Variants in OXTR observed in about 807,000 individuals in gnomAD.
OXTR encodes oxytocin receptor.
OXTR carries 19 observed loss-of-function variants against 23.9 expected under a neutral mutation model. The observed-to-expected ratio is 0.80, with a 90% CI of 0.56 to 1.17. OXTR has a LOEUF of 1.17. OXTR is among the 50% of genes most tolerant of loss of function. The pLI is 0.00. For missense variants in OXTR, 500 were observed against 550.7 expected, an observed-to-expected ratio of 0.91 and a Z score of 0.92; for synonymous variants, 278 against 250.5, an observed-to-expected ratio of 1.11 and a Z score of -1.04.
chr3:8,761,654 G>T (rs930844033), intron 3 of OXTR, among the ~76,000 whole-genome samples: 1 of 152,202 alleles, frequency 6.6e-6, no homozygotes, highest in Non-Finnish European at 1.5e-5. Flanking sequence ...GCCATGATGG[G>T]CCCCTTCCTT....
At chr3:8,745,843 G>T (rs1361272526), downstream of OXTR, 1 of 1,613,048 alleles carries the variant, frequency 6.2e-7, no homozygotes, top group Non-Finnish European at 8.5e-7. The surrounding 1 kb of genome is among the most constrained non-coding windows in gnomAD (Gnocchi z 4.8). Context: ...GCAGCATCAA[G>T]GTGGTGCTGC....
In OXTR at chr3:8,753,052, CT is replaced by C; in HGVS notation, c.1094del (p.Lys365ArgfsTer9). ...RRLGETSASK[K>X]SNSSSFVLSH... ...TCAGGACAAAGGAGGACGAGTTGCT[CT>C]TTTTGCTGGCACTCGTCTCTCCCAG... is the stretch of plus-strand genomic sequence containing the variant. On this transcript the variant is annotated frameshift_variant, in exon 4 of 4. Transcript: ENST00000316793. LOFTEE classifies it high-confidence loss of function. The C allele has an allele frequency of 1.2e-6, 2 of 1,614,140 alleles. No individual in the cohort carries two copies. The highest frequency in any genetic ancestry group is 1.7e-6 in the Non-Finnish European group (2 of 1,180,016).
At chr3:8,745,161 G>C in the OXTR span, 1 of 274,232 alleles carries the variant, frequency 3.6e-6, no homozygotes, top group Non-Finnish European at 7.2e-6. The surrounding 1 kb of genome is among the most constrained non-coding windows in gnomAD (Gnocchi z 4.8). Context: ...GTTGTAAAGT[G>C]TGGCACTCCA....
Position 8,753,133 on chromosome 3 carries a change from G to C in OXTR, c.1014C>G (p.His338Gln). 1 of 1,614,192 alleles carries C rather than the reference G, an allele frequency of 6.2e-7. No individual in the cohort carries two copies. Among genetic ancestry groups the C allele is most frequent in the South Asian group, 1.1e-5 (1 of 91,084 alleles). ...IYMLFTGHLF[H>Q]ELVQRFLCCS... ...AGCACAGGAAGCGCTGCACGAGTTC[G>C]TGGAAGAGGTGGCCCGTGAACAGCA... The change falls in exon 4 of 4, where the codon CAC becomes CAG. Residue 338 changes from histidine (H) to glutamine (Q), a missense_variant. Coordinates refer to ENST00000316793, the MANE Select transcript of OXTR (RefSeq NM_000916.4).
chr3:8,759,822 G>C (rs1708449984), intron 3 of OXTR, among the ~76,000 whole-genome samples: 1 of 152,212 alleles, frequency 6.6e-6, no homozygotes. Context: ...GGCAGAGGCT[G>C]CCCCTCAGTG....
chr3:8,767,474 C>A lies in OXTR; in HGVS notation c.714G>T (p.Ala238=). 1.2e-6 allele frequency: 2 copies of A among 1,603,934 alleles called. No individual in the cohort carries two copies. Among genetic ancestry groups the A allele is most frequent in the Non-Finnish European group, 1.7e-6 (2 of 1,175,278 alleles). Reference sequence around the variant, plus strand: ...CGCCCTCTGGCGCCTCGGCCGCCGCCGCTGCAGCGGTCTTGAGCCGCAAGT... The same window carrying A: ...CGCCCTCTGGCGCCTCGGCCGCCGCAGCTGCAGCGGTCTTGAGCCGCAAGT... ...WQNLRLKTAA[A]AAAEAPEGAA... The change falls in exon 3 of 4, where the codon GCG becomes GCT. Residue 238 remains alanine, a synonymous_variant. Transcript: ENST00000316793.
chr3:8,745,894 G>A, downstream of OXTR: 1 of 1,592,514 alleles, frequency 6.3e-7, no homozygotes, highest in Non-Finnish European at 8.6e-7. The surrounding 1 kb of genome is among the most constrained non-coding windows in gnomAD (Gnocchi z 4.8). Context: ...AGCGGTGGCA[G>A]GGCAGGGGGT....
rs148841262 is a variant in OXTR at position 8,754,923 on chromosome 3, T to C, written c.923-1699A>G. ...AAGAGAGTTTTTAGAAAGCAAAGAA[T>C]GGAAATTTAACTCTTAGTATTAAAA... is the stretch of plus-strand genomic sequence containing the variant. On this transcript the variant is annotated intron_variant, in intron 3 of 3. Transcript: ENST00000316793. Among the ~76,000 whole-genome samples, 904 of 152,010 alleles carry C rather than the reference T, an allele frequency of 5.9e-3. 6 individuals are homozygous for C. The highest frequency in any genetic ancestry group is 0.01 in the Middle Eastern group (3 of 294).
chr3:8,768,303 T>C lies in OXTR; in HGVS notation c.-116A>G. On this transcript the variant is annotated 5_prime_UTR_variant, in exon 3 of 4. Transcript: ENST00000316793. This position sits in a 1 kb window ranked among gnomAD's most constrained non-coding sequence, Gnocchi z 5.4. ...CGCCCGGGGCTCCACTCCTGGAGACTCCACGGACGGATCTGCTGGGTCCAC... is the reference window on the plus strand; with the variant it reads ...CGCCCGGGGCTCCACTCCTGGAGACCCCACGGACGGATCTGCTGGGTCCAC... 1 of 1,218,266 alleles carries C rather than the reference T, an allele frequency of 8.2e-7. No homozygotes were observed. Among genetic ancestry groups the C allele is most frequent in the Non-Finnish European group, 1.0e-6 (1 of 981,062 alleles). 75.5% of individuals were successfully genotyped at this position (1,218,266 alleles called of 1,614,324 possible).
At chr3:8,755,175 ACG>A (rs1708347235) in intron 3 of OXTR, among the ~76,000 whole-genome samples, 4 of 152,188 alleles carry the variant, frequency 2.6e-5, no homozygotes, top group Non-Finnish European at 5.9e-5. Flanking sequence ...GCAAAAATCA[ACG>A]TGCAAAAGTC....
rs372617558 is a variant in OXTR at position 8,768,230 on chromosome 3, C to T, written c.-43G>A. ...TGCGCCCCGGCCTTCGAGCCCTTTA[C>T]GGCTTGGCGCGGCTGGGCCGGATCC... On this transcript the variant is annotated 5_prime_UTR_variant, in exon 3 of 4. Coordinates refer to ENST00000316793, the MANE Select transcript of OXTR (RefSeq NM_000916.4). This position sits in a 1 kb window ranked among gnomAD's most constrained non-coding sequence, Gnocchi z 5.4. The T allele has an allele frequency of 1.7e-5, 22 of 1,268,232 alleles. No homozygotes were observed. The highest frequency in any genetic ancestry group is 1.3e-4 in the Admixed American group (3 of 23,408). The allele number at this position is 1,268,232 out of a possible 1,614,324, so 78.6% of individuals were successfully genotyped here.
downstream of OXTR, chr3:8,750,339 G>T (rs567360856): frequency 2.0e-5 from 3 of 152,300 alleles, no homozygotes; most frequent in Non-Finnish European, 2.9e-5. Context: ...CAAAAGTGCT[G>T]AGAGGCAAGA....
At chr3:8,765,647 T>C (rs1226683115) in intron 3 of OXTR, among the ~76,000 whole-genome samples, 1 of 152,186 alleles carries the variant, frequency 6.6e-6, no homozygotes, top group African/African-American at 2.4e-5. Flanking sequence ...AGGAAACAGG[T>C]GAGGCCTAAG....
In OXTR at chr3:8,768,242, G is replaced by T; in HGVS notation, c.-55C>A. The T allele has an allele frequency of 7.9e-7, 1 of 1,263,570 alleles. No individual in the cohort carries two copies. The highest frequency in any genetic ancestry group is 9.9e-7 in the Non-Finnish European group (1 of 1,009,568). 78.3% of individuals were successfully genotyped at this position (1,263,570 alleles called of 1,614,324 possible). A position where few individuals can be genotyped will look rare whatever the true frequency, so the allele number is the denominator to read the frequency against. On this transcript the variant is annotated 5_prime_UTR_variant, in exon 3 of 4. Transcript: ENST00000316793. The surrounding 1 kb of genome is among the most constrained non-coding windows in gnomAD (Gnocchi z 5.4). ...TTCGAGCCCTTTACGGCTTGGCGCGGCTGGGCCGGATCCGGCGTGTCGGAG... is the reference window on the plus strand; with the variant it reads ...TTCGAGCCCTTTACGGCTTGGCGCGTCTGGGCCGGATCCGGCGTGTCGGAG...
At chr3:8,764,148 G>A (rs1340438687) in intron 3 of OXTR, among the ~76,000 whole-genome samples, 2 of 150,814 alleles carry the variant, frequency 1.3e-5, no homozygotes, top group Admixed American at 1.3e-4. Context: ...CGGGTCCCTG[G>A]GCCACCACAT....
At position 8,768,415 on chromosome 3, in the gene OXTR, C is replaced by T; in HGVS notation, c.-143+81G>A. 1.6e-6 allele frequency: 1 copy of T among 625,372 alleles called. No homozygotes were observed. The highest frequency in any genetic ancestry group is 2.2e-6 in the Non-Finnish European group (1 of 445,338). 38.7% of individuals were successfully genotyped at this position (625,372 alleles called of 1,614,324 possible). A position where few individuals can be genotyped will look rare whatever the true frequency, so the allele number is the denominator to read the frequency against. ...GCGTGCTTGTCCCATTCCCAGGAAC[C>T]CAACTCATCTGAAACAACAGGGCAC... On this transcript the variant is annotated intron_variant, in intron 2 of 3. Coordinates refer to ENST00000316793, the MANE Select transcript of OXTR (RefSeq NM_000916.4). This position sits in a 1 kb window ranked among gnomAD's most constrained non-coding sequence, Gnocchi z 5.4.
downstream of OXTR, chr3:8,745,579 C>G: frequency 6.2e-7 from 1 of 1,614,084 alleles, no homozygotes; most frequent in Non-Finnish European, 8.5e-7. The surrounding 1 kb of genome is among the most constrained non-coding windows in gnomAD (Gnocchi z 4.8). Context: ...GCTTTGACGG[C>G]GTGTGGAAGG....
rs780323772 is a variant in OXTR at position 8,768,106 on chromosome 3, TGCGGTTGCCCTCGGCCCCCGGCGGC to T, written c.57_81del (p.Gly22AspfsTer25). 20 of 1,411,514 alleles carry T rather than the reference TGCGGTTGCCCTCGGCCCCCGGCGGC, an allele frequency of 1.4e-5. No individual in the cohort carries two copies. The highest frequency in any genetic ancestry group is 1.8e-5 in the Non-Finnish European group (20 of 1,086,308). The allele number at this position is 1,411,514 out of a possible 1,614,324, so 87.4% of individuals were successfully genotyped here. On this transcript the variant is annotated frameshift_variant, in exon 3 of 4. Transcript: ENST00000316793. LOFTEE classifies it high-confidence loss of function. The surrounding 1 kb of genome is among the most constrained non-coding windows in gnomAD (Gnocchi z 5.4). ...TCGTTGCGCCGCGGGGGTCCGGCGG[TGCGGTTGCCCTCGGCCCCCGGCGGC>T]GCGGCGCTGGCGTTGGCTGCCTCGG...
chr3:8,751,039 A>G lies in OXTR; in HGVS notation c.*1938T>C, dbSNP rs201017661. The G allele has an allele frequency of 2.6e-5, 4 of 151,936 alleles. No individual in the cohort carries two copies. The highest frequency in any genetic ancestry group is 2.1e-4 in the South Asian group (1 of 4,814). The allele number at this position is 151,936 out of a possible 1,614,324, so 9.4% of individuals were successfully genotyped here. A position where few individuals can be genotyped will look rare whatever the true frequency, so the allele number is the denominator to read the frequency against. ...CCAGTTTCTCTACATCCTCACCGAC[A>G]CTCGTTCTTGTCCATCTTTTTATTG... On this transcript the variant is annotated 3_prime_UTR_variant, in exon 4 of 4. Transcript: ENST00000316793.
Sources: allele counts gnomAD v4.1 joint callset (sites outside exome capture counted in the v4.1 genomes callset), GRCh38; gene constraint gnomAD v4.1.1; non-coding constraint Gnocchi (gnomAD v3.1); transcripts MANE v1.5; gene names NCBI Gene and HGNC (gene_info 2026-07-23, HGNC 2026-07-21).